ARHGEF28: variants seen among roughly 807,000 people sequenced by gnomAD.
ARHGEF28 encodes the protein Rho guanine nucleotide exchange factor 28, also known as 190 kDa guanine nucleotide exchange factor.
Under a neutral mutation model 206.6 loss-of-function variants are expected in ARHGEF28, and 152 were observed. The observed-to-expected ratio is 0.74, with a 90% CI of 0.64 to 0.84. ARHGEF28 has a LOEUF of 0.84. Ranked by LOEUF, ARHGEF28 falls within the 40% of genes least tolerant of loss-of-function variation. The pLI is 0.00. For synonymous variants in ARHGEF28, 763 were observed against 776.4 expected (o/e 0.98, Z 0.29); for missense variants, 2,028 against 2,073.2 (o/e 0.98, Z 0.42).
chr5:73,734,939 C>G (rs185634985), intron 2 of ARHGEF28, among the ~76,000 whole-genome samples: 23 of 152,158 alleles, frequency 1.5e-4, no homozygotes, highest in African/African-American at 5.3e-4. Flanking sequence ...CTGTTTCCAG[C>G]TTGGAGAACT....
chr5:73,738,113 A>G (rs1383154560), intron 2 of ARHGEF28, among the ~76,000 whole-genome samples: 2 of 152,196 alleles, frequency 1.3e-5, no homozygotes, highest in Non-Finnish European at 2.9e-5. Context: ...GGGGGAGTTC[A>G]TTGATTCTGA....
At chr5:73,673,350 A>C (rs1016611594) in intron 1 of ARHGEF28, among the ~76,000 whole-genome samples, 1 of 152,240 alleles carries the variant, frequency 6.6e-6, no homozygotes, top group African/African-American at 2.4e-5. Context: ...TCAAACTAAC[A>C]TGGCAAATAG....
chr5:73,924,559 A>AT (rs1763696558), intron 35 of ARHGEF28, among the ~76,000 whole-genome samples: 1 of 152,138 alleles, frequency 6.6e-6, no homozygotes, highest in African/African-American at 2.4e-5. Context: ...TAGGAAGTGC[A>AT]TTTGGTGCAT....
intron 1 of ARHGEF28, among the ~76,000 whole-genome samples, chr5:73,655,262 T>C (rs1309229375): frequency 3.3e-5 from 5 of 152,252 alleles, no homozygotes; most frequent in African/African-American, 1.2e-4. Context: ...TTGGCCTAAC[T>C]ATGGTTCACA....
At chr5:73,811,674 C>T (rs1270737368) in intron 9 of ARHGEF28, among the ~76,000 whole-genome samples, 5 of 152,250 alleles carry the variant, frequency 3.3e-5, no homozygotes, top group East Asian at 3.9e-4. Context: ...GAGAATAATA[C>T]GTACTTATTC....
intron 7 of ARHGEF28, among the ~76,000 whole-genome samples, chr5:73,786,701 T>TG (rs1364682497): frequency 1.3e-5 from 2 of 152,076 alleles, no homozygotes; most frequent in African/African-American, 4.8e-5. Context: ...GGGGTGGAGG[T>TG]GGCGGTGTCA....
chr5:73,817,743 G>A (rs150788615), intron 9 of ARHGEF28, among the ~76,000 whole-genome samples: 4 of 152,294 alleles, frequency 2.6e-5, no homozygotes, highest in African/African-American at 9.6e-5. Context: ...AAATGGCAGA[G>A]CCAGGCCAAG....
chr5:73,775,128 GCAAGGCAAGAACACT>G (rs1753469901), intron 5 of ARHGEF28, among the ~76,000 whole-genome samples: 2 of 152,152 alleles, frequency 1.3e-5, no homozygotes, highest in African/African-American at 4.8e-5. Context: ...GCTAAAAAGG[GCAAGGCAAGAACACT>G]TCCTTTGACT....
chr5:73,678,387 T>G (rs917210807), intron 1 of ARHGEF28, among the ~76,000 whole-genome samples: 1 of 152,148 alleles, frequency 6.6e-6, no homozygotes, highest in Non-Finnish European at 1.5e-5. Context: ...TGGCAAATGG[T>G]AGAGTAATGA....
At chr5:73,793,912 G>A (rs1754636658) in intron 7 of ARHGEF28, among the ~76,000 whole-genome samples, 1 of 151,996 alleles carries the variant, frequency 6.6e-6, no homozygotes, top group Non-Finnish European at 1.5e-5. Context: ...GGAGCTGAGG[G>A]CTATGCTGGT....
intron 2 of ARHGEF28, among the ~76,000 whole-genome samples, chr5:73,707,167 G>A (rs927854046): frequency 3.9e-5 from 6 of 152,164 alleles, no homozygotes; most frequent in African/African-American, 1.2e-4. Context: ...TACCCTACGC[G>A]AGCAGCTGGC....
intron 2 of ARHGEF28, among the ~76,000 whole-genome samples, chr5:73,735,895 G>A (rs1219101468): frequency 2.6e-5 from 4 of 152,126 alleles, no homozygotes; most frequent in Non-Finnish European, 4.4e-5. Flanking sequence ...TCCATTCACA[G>A]CATCCTTTCC....
intron 1 of ARHGEF28, among the ~76,000 whole-genome samples, chr5:73,667,694 A>T (rs1463987100): frequency 6.6e-6 from 1 of 152,064 alleles, no homozygotes; most frequent in Non-Finnish European, 1.5e-5. Context: ...CCAAACCTTT[A>T]TGTTGTATGT....
At chr5:73,839,092 G>A (rs1757829227) in intron 10 of ARHGEF28, among the ~76,000 whole-genome samples, 1 of 152,166 alleles carries the variant, frequency 6.6e-6, no homozygotes, top group South Asian at 2.1e-4. Context: ...TTGGATTCAG[G>A]TTAGGCATGT....
intron 29 of ARHGEF28, among the ~76,000 whole-genome samples, chr5:73,895,267 G>A (rs1761897616): frequency 6.6e-6 from 1 of 152,162 alleles, no homozygotes; most frequent in South Asian, 2.1e-4. Flanking sequence ...GTTGGGTGAA[G>A]GGCAAGGTCA....
intron 14 of ARHGEF28, among the ~76,000 whole-genome samples, chr5:73,852,917 G>A (rs1026114175): frequency 6.6e-6 from 1 of 152,226 alleles, no homozygotes; most frequent in South Asian, 2.1e-4. Context: ...AGCATGTTCT[G>A]TCTGGGTATC....
intron 2 of ARHGEF28, among the ~76,000 whole-genome samples, chr5:73,715,294 C>T (rs1364273966): frequency 1.3e-5 from 2 of 152,154 alleles, no homozygotes. Context: ...GCTGCTGACT[C>T]AATTGTGGTT....
chr5:73,793,009 A>C (rs902359931), intron 7 of ARHGEF28, among the ~76,000 whole-genome samples: 1 of 152,198 alleles, frequency 6.6e-6, no homozygotes, highest in South Asian at 2.1e-4. Context: ...CTGGGTGTCC[A>C]CTATGATCTT....
chr5:73,730,077 G>A (rs1750517757), intron 2 of ARHGEF28, among the ~76,000 whole-genome samples: 1 of 152,096 alleles, frequency 6.6e-6, no homozygotes, highest in African/African-American at 2.4e-5. Context: ...TCTAAAAACA[G>A]TTTTTCTAAG....
Sources: allele counts gnomAD v4.1 joint callset (sites outside exome capture counted in the v4.1 genomes callset), GRCh38; gene constraint gnomAD v4.1.1; transcripts MANE v1.5; gene names NCBI Gene and HGNC (gene_info 2026-07-23, HGNC 2026-07-21).